Variants in TOX observed in about 807,000 individuals in gnomAD.
TOX encodes the protein thymocyte selection associated high mobility group box.
TOX carries 11 observed loss-of-function variants against 53.7 expected under a neutral mutation model. The observed-to-expected ratio is 0.20, with a 90% CI of 0.13 to 0.34. TOX has a LOEUF of 0.34. Ranked by LOEUF, TOX falls within the 10% of genes least tolerant of loss-of-function variation. The probability of loss-of-function intolerance (pLI) is 1.00; values close to 1 mark genes in which losing one functional copy is unlikely to be tolerated. For missense variants in TOX, 570 were observed against 664.6 expected (o/e 0.86, Z 1.56); for synonymous variants, 225 against 245.3 (o/e 0.92, Z 0.77).
At chr8:59,070,126 A>G (rs16924553) in intron 1 of TOX, among the ~76,000 whole-genome samples, 7,252 of 152,334 alleles carry the variant, frequency 0.048, 584 homozygotes, top group African/African-American at 0.16. Context: ...GCTAATTTAT[A>G]ACAAATATGT....
intron 1 of TOX, among the ~76,000 whole-genome samples, chr8:59,043,457 C>T (rs1768904373): frequency 6.6e-6 from 1 of 151,524 alleles, no homozygotes; most frequent in Admixed American, 6.6e-5. Context: ...AAAATCAGAA[C>T]TTAATAAAAT....
intron 1 of TOX, among the ~76,000 whole-genome samples, chr8:59,078,341 A>G (rs568808047): frequency 6.0e-4 from 92 of 152,276 alleles, no homozygotes; most frequent in South Asian, 4.1e-3. Flanking sequence ...CCAGTGCTGG[A>G]GGTGGGGCCT....
At chr8:58,947,232 A>T (rs1004380481) in intron 2 of TOX, among the ~76,000 whole-genome samples, 3 of 152,132 alleles carry the variant, frequency 2.0e-5, no homozygotes, top group African/African-American at 7.2e-5. Flanking sequence ...AATTTCAGAT[A>T]ATTTTAAGAT....
chr8:59,013,574 C>A (rs1813953560), intron 1 of TOX, among the ~76,000 whole-genome samples: 1 of 152,108 alleles, frequency 6.6e-6, no homozygotes, highest in Non-Finnish European at 1.5e-5. Context: ...CCATGCCCAG[C>A]TTATTTTTGT....
At chr8:58,989,243 G>A (rs1352719653) in intron 1 of TOX, among the ~76,000 whole-genome samples, 2 of 152,012 alleles carry the variant, frequency 1.3e-5, no homozygotes, top group Non-Finnish European at 2.9e-5. Flanking sequence ...TTGAACCTAT[G>A]AGGTGGAGGT....
At chr8:58,955,829 G>A (rs1436176441) in intron 2 of TOX, among the ~76,000 whole-genome samples, 1 of 151,412 alleles carries the variant, frequency 6.6e-6, no homozygotes, top group East Asian at 1.9e-4. Context: ...CCACCTCCTG[G>A]GTTCAAGCAA....
At chr8:59,081,073 C>T (rs1376951101) in intron 1 of TOX, among the ~76,000 whole-genome samples, 1 of 152,154 alleles carries the variant, frequency 6.6e-6, no homozygotes, top group Non-Finnish European at 1.5e-5. Context: ...GTCGCCCAGG[C>T]TGGAGTGCAG....
chr8:58,884,448 A>G (rs1811435074), intron 3 of TOX, among the ~76,000 whole-genome samples: 1 of 152,150 alleles, frequency 6.6e-6, no homozygotes, highest in Admixed American at 6.6e-5. Context: ...TAATGTATTG[A>G]TGCCTGTGAA....
intron 1 of TOX, among the ~76,000 whole-genome samples, chr8:59,101,659 GT>G (rs1481666189): frequency 1.3e-5 from 2 of 152,090 alleles, no homozygotes; most frequent in African/African-American, 4.8e-5. Context: ...CCTAAACTGA[GT>G]TTTTAGAAGG....
chr8:58,960,294 T>C (rs563675923), intron 1 of TOX, among the ~76,000 whole-genome samples: 1 of 152,266 alleles, frequency 6.6e-6, no homozygotes, highest in East Asian at 1.9e-4. Flanking sequence ...CAATCTGTTT[T>C]AAAACAAAAT....
At chr8:58,837,095 A>G (rs1810559116) in intron 5 of TOX, among the ~76,000 whole-genome samples, 1 of 152,200 alleles carries the variant, frequency 6.6e-6, no homozygotes, top group African/African-American at 2.4e-5. Context: ...TATAAACACA[A>G]TATATAGATC....
chr8:59,047,345 T>C (rs928689793), intron 1 of TOX, among the ~76,000 whole-genome samples: 2 of 150,122 alleles, frequency 1.3e-5, no homozygotes, highest in Non-Finnish European at 3.0e-5. Flanking sequence ...GCCTCCCAAG[T>C]AGCTGGGACT....
intron 1 of TOX, among the ~76,000 whole-genome samples, chr8:59,097,325 G>C (rs1412467083): frequency 1.3e-5 from 2 of 152,182 alleles, no homozygotes; most frequent in East Asian, 3.9e-4. Flanking sequence ...GACAGTGTGA[G>C]CTCCTCCGGC....
intron 1 of TOX, among the ~76,000 whole-genome samples, chr8:59,039,238 C>T (rs1803526780): frequency 6.6e-6 from 1 of 152,210 alleles, no homozygotes; most frequent in African/African-American, 2.4e-5. Context: ...TCAAACTCAA[C>T]CAACCTTCAT....
intron 1 of TOX, among the ~76,000 whole-genome samples, chr8:58,965,525 T>C (rs148480833): frequency 0.017 from 2,552 of 151,994 alleles, 39 homozygotes; most frequent in Middle Eastern, 0.085. Context: ...AAGTCAAAAA[T>C]AGAATGTGAA....
chr8:58,937,840 G>A (rs1435749905), intron 3 of TOX, among the ~76,000 whole-genome samples: 1 of 152,082 alleles, frequency 6.6e-6, no homozygotes, highest in Non-Finnish European at 1.5e-5. Flanking sequence ...GGCATGACCT[G>A]AATGCCTTCT....
intron 2 of TOX, among the ~76,000 whole-genome samples, chr8:58,957,386 T>C (rs538966422): frequency 2.6e-5 from 4 of 152,336 alleles, no homozygotes; most frequent in South Asian, 4.1e-4. Context: ...TATAAGGTGG[T>C]ATATTCAATT....
chr8:58,954,819 G>A (rs1812683601), intron 2 of TOX, among the ~76,000 whole-genome samples: 1 of 152,192 alleles, frequency 6.6e-6, no homozygotes, highest in Admixed American at 6.5e-5. Flanking sequence ...GAATGACAAG[G>A]GAGACTCCCC....
intron 2 of TOX, among the ~76,000 whole-genome samples, chr8:58,954,077 A>AGTAAACAGTAT (rs1394161643): frequency 1.4e-4 from 21 of 152,340 alleles, no homozygotes; most frequent in African/African-American, 5.0e-4. Flanking sequence ...TGTTTCCAAT[A>AGTAAACAGTAT]CCATTGCATT....
Sources: allele counts gnomAD v4.1 joint callset (sites outside exome capture counted in the v4.1 genomes callset), GRCh38; gene constraint gnomAD v4.1.1; transcripts MANE v1.5; gene names NCBI Gene and HGNC (gene_info 2026-07-23, HGNC 2026-07-21).